The following IL7R variants were observed in gnomAD, a reference collection of about 807,000 sequenced individuals.
IL7R encodes the protein interleukin-7 receptor subunit alpha.
A neutral mutation model predicts 47.0 loss-of-function variants in IL7R; 38 were observed. That is an observed-to-expected ratio of 0.81 (90% CI 0.62 to 1.06). The LOEUF (loss-of-function observed/expected upper bound fraction) is 1.06. Ranked by LOEUF, IL7R falls within the 50% of genes least tolerant of loss-of-function variation. IL7R has a pLI of 0.00. For missense variants in IL7R, 633 were observed against 534.8 expected (o/e 1.18, Z -1.81); for synonymous variants, 221 against 199.8 (o/e 1.11, Z -0.89).
Position 35,874,493 on chromosome 5 carries a change from T to A in IL7R, c.751T>A (p.Phe251Ile). 3 of 1,613,830 alleles carry A rather than the reference T, an allele frequency of 1.9e-6. No individual in the cohort carries two copies. The highest frequency in any genetic ancestry group is 2.5e-6 in the Non-Finnish European group (3 of 1,179,708). ...ILLTISILSF[F>I]SVALLVILAC... The stretch of plus-strand genomic sequence containing the variant: ...ACTAACCATCAGCATTTTGAGTTTT[T>A]TCTCTGTCGCTCTGTTGGTCATCTT... The change falls in exon 6 of 8, where the codon TTC (phenylalanine) becomes ATC (isoleucine). Residue 251 changes from phenylalanine (F) to isoleucine (I), a missense_variant. Transcript: ENST00000303115.
chr5:35,868,424 G>T (rs1312275194), intron 3 of IL7R, among the ~76,000 whole-genome samples: 1 of 152,336 alleles, frequency 6.6e-6, no homozygotes. Flanking sequence ...AGGTAAAGCA[G>T]AAGTTCCATG....
rs200687605 is a variant in IL7R, at chr5:35,867,316, G to A, written c.232G>A (p.Val78Met). The change falls in exon 3 of 8, where the codon GTG (valine) becomes ATG (methionine). Residue 78 changes from valine to methionine, a missense_variant. Coordinates refer to ENST00000303115, the MANE Select transcript of IL7R (RefSeq NM_002185.5). Reference protein sequence around the residue: ...NLEFEICGALVEVKCLNFRKL... With the variant: ...NLEFEICGALMEVKCLNFRKL... ...TTTTTATTCCTACAGTGGGGCCCTCGTGGAGGTAAAGTGCCTGAATTTCAG... is the reference window on the plus strand; with the variant it reads ...TTTTTATTCCTACAGTGGGGCCCTCATGGAGGTAAAGTGCCTGAATTTCAG... 25 of 1,613,554 alleles carry A rather than the reference G, an allele frequency of 1.5e-5. No individual in the cohort carries two copies. The highest frequency in any genetic ancestry group is 1.1e-4 in the East Asian group (5 of 44,858).
At chr5:35,866,289 A>G (rs1391397245) in intron 2 of IL7R, among the ~76,000 whole-genome samples, 2 of 152,132 alleles carry the variant, frequency 1.3e-5, no homozygotes, top group East Asian at 3.8e-4. Flanking sequence ...ATTATGTATT[A>G]AAATTAGTGT....
At chr5:35,867,670 C>G (rs143349289) in intron 3 of IL7R, 9 of 641,600 alleles carry the variant, frequency 1.4e-5, no homozygotes, top group Non-Finnish European at 2.2e-5. Flanking sequence ...GATCTTCAAA[C>G]CCAGGTGTGA....
rs563820481 is a variant in IL7R, at chr5:35,878,100, T to C, written c.*1614T>C. On this transcript the variant is annotated 3_prime_UTR_variant, in exon 8 of 8. Transcript: ENST00000303115. The stretch of plus-strand genomic sequence containing the variant: ...TTTGTGTTGTCTGTGAATGGGGTTT[T>C]AACTGTGGATGAATGGACCTTATCT... The C allele has an allele frequency of 3.1e-4, 73 of 233,324 alleles. No homozygotes were observed. Among genetic ancestry groups the C allele is most frequent in the African/African-American group, 1.6e-3 (71 of 45,486 alleles). The allele number at this position is 233,324 out of a possible 1,614,324, so 14.5% of individuals were successfully genotyped here.
chr5:35,857,099 C>G (rs777505364), intron 1 of IL7R, 40 bp downstream of exon 1: 4 of 1,268,582 alleles, frequency 3.2e-6, no homozygotes, highest in Middle Eastern at 1.8e-4. Flanking sequence ...TTTGGATTAT[C>G]TGTAGCATGG....
At chr5:35,875,383 C>A (rs1397195336) in intron 6 of IL7R, 129 bp from the exon 7 acceptor site, 6 of 743,600 alleles carry the variant, frequency 8.1e-6, no homozygotes, top group East Asian at 2.7e-5. Context: ...CCATGGTCAC[C>A]CACCTAATTG....
chr5:35,877,534 T>C lies in IL7R; in HGVS notation c.*1048T>C, dbSNP rs1027527546. ...ATCCGTCCATGATCTCAGAGGAAACTGTCGCTGACCCTGGACATGGGTACG... is the reference window on the plus strand; with the variant it reads ...ATCCGTCCATGATCTCAGAGGAAACCGTCGCTGACCCTGGACATGGGTACG... On this transcript the variant is annotated 3_prime_UTR_variant, in exon 8 of 8. Coordinates refer to ENST00000303115, the MANE Select transcript of IL7R (RefSeq NM_002185.5). The C allele has an allele frequency of 3.9e-5, 9 of 233,112 alleles. No homozygotes were observed. The highest frequency in any genetic ancestry group is 2.0e-4 in the African/African-American group (9 of 45,352). The allele number at this position is 233,112 out of a possible 1,614,324, so 14.4% of individuals were successfully genotyped here.
chr5:35,869,036 A>T (rs3777091), intron 3 of IL7R, among the ~76,000 whole-genome samples: 1 of 152,058 alleles, frequency 6.6e-6, no homozygotes, highest in Non-Finnish European at 1.5e-5. Context: ...TATGGCAAGC[A>T]CCCCTGGACA....
chr5:35,872,549 T>TAAC (rs10609481), intron 4 of IL7R, among the ~76,000 whole-genome samples: 1 of 152,114 alleles, frequency 6.6e-6, no homozygotes, highest in Non-Finnish European at 1.5e-5. Context: ...CACCTTCATA[T>TAAC]AACAACAACA....
intron 3 of IL7R, chr5:35,867,705 A>C (rs984772487): frequency 6.5e-6 from 4 of 611,164 alleles, no homozygotes; most frequent in Non-Finnish European, 1.2e-5. Context: ...GCAAACCTAC[A>C]TGAAGTGGCT....
chr5:35,874,887 A>AT (rs1334931289), intron 6 of IL7R, among the ~76,000 whole-genome samples: 5 of 152,180 alleles, frequency 3.3e-5, no homozygotes, highest in African/African-American at 7.2e-5. Context: ...AATTCATGGG[A>AT]TTTTTTATAC....
At chr5:35,865,680 T>G (rs554380929) in intron 2 of IL7R, among the ~76,000 whole-genome samples, 55 of 152,306 alleles carry the variant, frequency 3.6e-4, no homozygotes, top group Admixed American at 9.8e-4. Context: ...TATGTCATTG[T>G]GGTTTTGATT....
chr5:35,860,734 A>G (rs971936113), intron 1 of IL7R, 118 bp from the exon 2 acceptor site: 5 of 1,043,334 alleles, frequency 4.8e-6, no homozygotes, highest in East Asian at 4.8e-5. Flanking sequence ...TGAATACTAC[A>G]TAATCCATTA....
At chr5:35,873,353 C>A in intron 4 of IL7R, 127 bp from the exon 5 acceptor site, 2 of 825,886 alleles carry the variant, frequency 2.4e-6, no homozygotes, top group Non-Finnish European at 4.1e-6. Context: ...GCTCCTTATT[C>A]TAACAAATAC....
At chr5:35,874,764 A>C (rs1475413439) in intron 6 of IL7R, among the ~76,000 whole-genome samples, 1 of 152,222 alleles carries the variant, frequency 6.6e-6, no homozygotes, top group East Asian at 1.9e-4. Flanking sequence ...CAAAGTAAGA[A>C]TTCCGTAATG....
intron 7 of IL7R, 158 bp from the exon 8 acceptor site, chr5:35,875,825 T>A: frequency 1.1e-6 from 1 of 879,252 alleles, no homozygotes; most frequent in Non-Finnish European, 1.8e-6. Context: ...TCTTGAAGTG[T>A]CTCAGAAGCT....
At chr5:35,869,005 G>A (rs1760007201) in intron 3 of IL7R, among the ~76,000 whole-genome samples, 1 of 152,190 alleles carries the variant, frequency 6.6e-6, no homozygotes, top group African/African-American at 2.4e-5. Flanking sequence ...TTTGGAAGGG[G>A]TAGTGTGAGT....
At position 35,860,873 on chromosome 5, in the gene IL7R, T is replaced by A. The variant is rs35967524; in HGVS notation, c.104T>A (p.Leu35Gln). 222 of 1,613,554 alleles carry A rather than the reference T, an allele frequency of 1.4e-4. No individual in the cohort carries two copies. The highest frequency in any genetic ancestry group is 1.8e-4 in the Non-Finnish European group (213 of 1,179,614). Reference protein sequence around the residue: ...AQNGDLEDAELDDYSFSCYSQ... With the variant: ...AQNGDLEDAEQDDYSFSCYSQ... Reference sequence around the variant, plus strand: ...CCAGGAGACTTGGAAGATGCAGAACTGGATGACTACTCATTCTCATGCTAT... The same window carrying A: ...CCAGGAGACTTGGAAGATGCAGAACAGGATGACTACTCATTCTCATGCTAT... Residue 35 changes from leucine to glutamine, a missense_variant, in exon 2 of 8, where the codon CTG becomes CAG. Leu to Gln is a moderately radical substitution (Grantham distance 113, BLOSUM62 -2). Coordinates refer to ENST00000303115, the MANE Select transcript of IL7R (RefSeq NM_002185.5).
Sources: gnomAD v4.1 joint callset for allele counts (sites outside exome capture counted in the v4.1 genomes callset) on GRCh38, gnomAD v4.1.1 for gene constraint, MANE v1.5 for transcripts, NCBI Gene and HGNC (gene_info 2026-07-23, HGNC 2026-07-21) for gene names.